The following CLNK variants were observed in gnomAD, a reference collection of about 807,000 sequenced individuals.
CLNK encodes cytokine dependent hematopoietic cell linker.
CLNK carries 74 observed loss-of-function variants against 68.6 expected under a neutral mutation model. That is an observed-to-expected ratio of 1.08 (90% confidence interval 0.89 to 1.31). CLNK has a LOEUF of 1.31. Among genes scored for constraint, CLNK ranks in the 50% most tolerant of loss-of-function variants. The pLI is 0.00. For synonymous variants in CLNK, 198 were observed against 172.2 expected, an observed-to-expected ratio of 1.15 and a Z score of -1.17; for missense variants, 553 against 515.3, an observed-to-expected ratio of 1.07 and a Z score of -0.71.
At chr4:10,696,701 C>T in the CLNK span, among the ~76,000 whole-genome samples, 2 of 152,190 alleles carry the variant, frequency 1.3e-5, no homozygotes, top group Non-Finnish European at 2.9e-5. Flanking sequence ...CCTGTTGGCT[C>T]TCCTTCCCAG....
chr4:10,672,461 T>C (rs1376055391), intron 1 of CLNK, among the ~76,000 whole-genome samples: 2 of 152,146 alleles, frequency 1.3e-5, no homozygotes, highest in African/African-American at 2.4e-5. Flanking sequence ...AAAAATACCA[T>C]ATCTAAGACA....
chr4:10,560,602 C>T (rs767831045), intron 7 of CLNK, among the ~76,000 whole-genome samples: 3 of 149,838 alleles, frequency 2.0e-5, no homozygotes, highest in Non-Finnish European at 4.5e-5. Flanking sequence ...CGTCACCATG[C>T]CCAGCTAATT....
chr4:10,537,348 C>T (rs1718798526), intron 11 of CLNK, among the ~76,000 whole-genome samples: 1 of 152,104 alleles, frequency 6.6e-6, no homozygotes, highest in Non-Finnish European at 1.5e-5. Flanking sequence ...TGTGGTGCCA[C>T]ACAGCTGTAA....
intron 1 of CLNK, among the ~76,000 whole-genome samples, chr4:10,679,069 G>A (rs77781039): frequency 6.6e-6 from 1 of 152,110 alleles, no homozygotes; most frequent in Non-Finnish European, 1.5e-5. Flanking sequence ...TCAATCCTAA[G>A]CCTAAAGAAC....
At chr4:10,595,823 T>G (rs1721362950) in intron 3 of CLNK, among the ~76,000 whole-genome samples, 1 of 152,134 alleles carries the variant, frequency 6.6e-6, no homozygotes, top group South Asian at 2.1e-4. Flanking sequence ...AAGAGTGTAA[T>G]TGTTGGGATC....
intron 11 of CLNK, among the ~76,000 whole-genome samples, chr4:10,538,231 G>A (rs1718875344): frequency 6.6e-6 from 1 of 152,108 alleles, no homozygotes; most frequent in Admixed American, 6.5e-5. Flanking sequence ...CTAGGTTAAA[G>A]CGATTCTCAT....
At chr4:10,674,005 G>A (rs1306828476) in intron 1 of CLNK, among the ~76,000 whole-genome samples, 1 of 152,196 alleles carries the variant, frequency 6.6e-6, no homozygotes, top group African/African-American at 2.4e-5. Context: ...TAAAGCCCAT[G>A]CATAGCTCTC....
At chr4:10,566,173 G>A (rs752576059) in intron 5 of CLNK, 23 bp from the exon 6 acceptor site, 2 of 1,612,414 alleles carry the variant, frequency 1.2e-6, no homozygotes, top group East Asian at 2.2e-5. Flanking sequence ...TAACATTCCA[G>A]TGAGTCAAAG....
chr4:10,601,801 T>A (rs1981636), intron 2 of CLNK, among the ~76,000 whole-genome samples: 104,204 of 151,998 alleles, frequency 0.69, 36,629 homozygotes, highest in East Asian at 0.77. Context: ...CCTAGTGAAA[T>A]GAATCACAAA....
chr4:10,517,596 C>T (rs992512918), intron 15 of CLNK: 22 of 152,108 alleles, frequency 1.4e-4, no homozygotes, highest in African/African-American at 5.3e-4. Flanking sequence ...CTTTCAACGT[C>T]GATTGAAGAA....
chr4:10,586,211 G>T (rs1240397235), intron 3 of CLNK, among the ~76,000 whole-genome samples: 1 of 152,008 alleles, frequency 6.6e-6, no homozygotes, highest in East Asian at 1.9e-4. Flanking sequence ...TGGGTGTTGG[G>T]GACCCCTGAT....
chr4:10,534,603 T>C (rs1275801636), intron 11 of CLNK, among the ~76,000 whole-genome samples: 2 of 152,202 alleles, frequency 1.3e-5, no homozygotes, highest in Non-Finnish European at 2.9e-5. Context: ...GTGAAGAGAA[T>C]TGCTGAAGAT....
At chr4:10,590,504 C>T (rs1006047263) in intron 3 of CLNK, among the ~76,000 whole-genome samples, 1 of 152,110 alleles carries the variant, frequency 6.6e-6, no homozygotes, top group Non-Finnish European at 1.5e-5. Context: ...TTGGTTCTCC[C>T]CAGGCACCGA....
intron 2 of CLNK, among the ~76,000 whole-genome samples, chr4:10,621,143 T>G (rs890250989): frequency 2.6e-5 from 4 of 152,040 alleles, no homozygotes; most frequent in African/African-American, 9.7e-5. Context: ...AGTACCTCAG[T>G]CACCAAGAGG....
chr4:10,684,157 T>C (rs549113987), intron 1 of CLNK, among the ~76,000 whole-genome samples: 1 of 152,264 alleles, frequency 6.6e-6, no homozygotes, highest in East Asian at 1.9e-4. Flanking sequence ...CTCTTGTGAG[T>C]GGAAGGATGT....
At chr4:10,552,541 C>T (rs1393330898) in intron 8 of CLNK, among the ~76,000 whole-genome samples, 5 of 152,114 alleles carry the variant, frequency 3.3e-5, no homozygotes, top group African/African-American at 1.2e-4. Flanking sequence ...AATGCCTCCA[C>T]CTTAGTGCCA....
At chr4:10,519,882 A>G (rs1301873981) in intron 15 of CLNK, among the ~76,000 whole-genome samples, 1 of 152,120 alleles carries the variant, frequency 6.6e-6, no homozygotes, top group African/African-American at 2.4e-5. Flanking sequence ...TAACATTACT[A>G]CTTGAATTTT....
intron 2 of CLNK, among the ~76,000 whole-genome samples, chr4:10,629,676 A>G (rs1364484451): frequency 6.6e-6 from 1 of 151,992 alleles, no homozygotes; most frequent in Non-Finnish European, 1.5e-5. Context: ...AACCAGGCCA[A>G]TGTCTCTCAA....
At chr4:10,706,228 G>C in the CLNK span, among the ~76,000 whole-genome samples, 75 of 152,340 alleles carry the variant, frequency 4.9e-4, no homozygotes, top group South Asian at 0.014. Context: ...CCTTGGGCAA[G>C]TCACCTCCTT....
Sources: allele counts gnomAD v4.1 joint callset (sites outside exome capture counted in the v4.1 genomes callset), GRCh38; gene constraint gnomAD v4.1.1; transcripts MANE v1.5; gene names NCBI Gene and HGNC (gene_info 2026-07-23, HGNC 2026-07-21).